Variants in CLMP observed in about 807,000 individuals in gnomAD.
CLMP encodes the protein CXADR like cell adhesion molecule.
A neutral mutation model predicts 45.2 loss-of-function variants in CLMP; 27 were observed. That is an observed-to-expected ratio of 0.60 (90% confidence interval 0.44 to 0.82). The LOEUF is 0.82. Ranked by LOEUF, CLMP falls within the 40% of genes least tolerant of loss-of-function variation. CLMP has a pLI of 0.00. For missense variants in CLMP, 403 were observed against 448.4 expected (o/e 0.90, Z 0.91); for synonymous variants, 167 against 171.4 (o/e 0.97, Z 0.20).
chr11:123,106,424 TGCGCGC>T lies in CLMP; in HGVS notation c.29-8478_29-8473del, dbSNP rs71057332. ...GTGTGTGTGTGTGTGTGTGTGTGTG[TGCGCGC>T]GCGCGCGCGCACGTGCCTGCCTTCC... On this transcript the variant is annotated intron_variant, in intron 1 of 6. Coordinates refer to ENST00000448775, the MANE Select transcript of CLMP (RefSeq NM_024769.5). 1.7e-3 allele frequency among the ~76,000 whole-genome samples: 157 copies of T among 90,846 alleles called. 1 individual carries two copies. The highest frequency in any genetic ancestry group is 7.9e-3 in the East Asian group (28 of 3,564). The allele number at this position is 90,846 out of a possible 152,430, so 59.6% of individuals were successfully genotyped here. A position where few individuals can be genotyped will look rare whatever the true frequency, so the allele number is the denominator to read the frequency against.
intron 5 of CLMP, among the ~76,000 whole-genome samples, chr11:123,075,199 C>T (rs1362270840): frequency 2.0e-5 from 3 of 152,090 alleles, no homozygotes; most frequent in Non-Finnish European, 4.4e-5. Flanking sequence ...GGTGATCCAC[C>T]AGACTCAGCC....
intron 6 of CLMP, 105 bp from the exon 7 acceptor site, chr11:123,073,879 CA>C (rs1308397715): frequency 8.4e-7 from 1 of 1,185,586 alleles, no homozygotes. Context: ...CAGATAATAC[CA>C]TCGGAAGGCA....
intron 1 of CLMP, among the ~76,000 whole-genome samples, chr11:123,192,574 G>A (rs772926690): frequency 9.2e-5 from 14 of 152,162 alleles, no homozygotes; most frequent in South Asian, 8.3e-4. Context: ...GGAACGTTAC[G>A]GGAGTGAGGC....
In CLMP at chr11:123,145,463, T is replaced by TG. The variant is rs1478110133; in HGVS notation, c.29-47512_29-47511insC. Among the ~76,000 whole-genome samples, 501 of 66,954 alleles carry TG rather than the reference T, an allele frequency of 7.5e-3. 1 individual carries two copies. The highest frequency in any genetic ancestry group is 0.024 in the African/African-American group (291 of 12,170). The allele number at this position is 66,954 out of a possible 152,430, so 43.9% of individuals were successfully genotyped here. ...TCAGCTCTGCGGCTGTTTTTTTTTT[T>TG]TTTTTTTTTTTTTTTTGAGACGGGA... On this transcript the variant is annotated intron_variant, in intron 1 of 6. Transcript: ENST00000448775.
chr11:123,108,355 C>A (rs1038989372), intron 1 of CLMP, among the ~76,000 whole-genome samples: 13 of 152,130 alleles, frequency 8.5e-5, no homozygotes, highest in African/African-American at 3.1e-4. Context: ...ATGAAGCTTG[C>A]AAGTTATCAG....
chr11:123,158,324 G>A (rs1861441977), intron 1 of CLMP, among the ~76,000 whole-genome samples: 1 of 152,204 alleles, frequency 6.6e-6, no homozygotes, highest in African/African-American at 2.4e-5. Flanking sequence ...CTAGATAATA[G>A]AATGCTGCAA....
intron 4 of CLMP, 142 bp downstream of exon 4, chr11:123,083,538 T>C: frequency 1.2e-6 from 1 of 805,938 alleles, no homozygotes; most frequent in Non-Finnish European, 2.1e-6. Flanking sequence ...TCTGTTCTAG[T>C]TAATGGATTT....
intron 2 of CLMP, among the ~76,000 whole-genome samples, chr11:123,087,073 C>A (rs915720722): frequency 3.3e-5 from 5 of 152,010 alleles, no homozygotes; most frequent in Admixed American, 6.6e-5. Flanking sequence ...CGTGGTGGCT[C>A]ACGCCTATAA....
intron 1 of CLMP, among the ~76,000 whole-genome samples, chr11:123,161,545 A>G (rs1861487667): frequency 6.6e-6 from 1 of 152,072 alleles, no homozygotes; most frequent in Non-Finnish European, 1.5e-5. Context: ...CATGGTGGCA[A>G]TGTGCCTGCA....
At chr11:123,113,071 C>A (rs776194249) in intron 1 of CLMP, among the ~76,000 whole-genome samples, 1 of 152,220 alleles carries the variant, frequency 6.6e-6, no homozygotes, top group Non-Finnish European at 1.5e-5. Context: ...CCACACTCAC[C>A]CAGTACCCAA....
At chr11:123,148,165 G>T (rs1861265708) in intron 1 of CLMP, among the ~76,000 whole-genome samples, 2 of 152,208 alleles carry the variant, frequency 1.3e-5, no homozygotes, top group South Asian at 4.1e-4. Flanking sequence ...ACATAGAATA[G>T]TACGTGGCGT....
chr11:123,173,601 T>C (rs1565403635), intron 1 of CLMP, among the ~76,000 whole-genome samples: 2 of 152,198 alleles, frequency 1.3e-5, no homozygotes, highest in African/African-American at 2.4e-5. Context: ...TATATACTAG[T>C]TTGTGACTTT....
In CLMP at chr11:123,154,033, C is replaced by A. The variant is rs528017753; in HGVS notation, c.28+40880G>T. Among the ~76,000 whole-genome samples, 49 of 151,980 alleles carry A rather than the reference C, an allele frequency of 3.2e-4. No individual in the cohort carries two copies. The South Asian group carries it at 9.3e-3, about 29-fold the overall frequency. On this transcript the variant is annotated intron_variant, in intron 1 of 6. Transcript: ENST00000448775. Reference sequence around the variant, plus strand: ...TCTTCCTTTGGTTCTTTTTTGTTCCCTTTTATAGAAGGTGTTGGGATTGGA... The same window carrying A: ...TCTTCCTTTGGTTCTTTTTTGTTCCATTTTATAGAAGGTGTTGGGATTGGA...
intron 1 of CLMP, among the ~76,000 whole-genome samples, chr11:123,163,926 G>A (rs923554816): frequency 6.6e-6 from 1 of 152,086 alleles, no homozygotes; most frequent in Admixed American, 6.6e-5. Context: ...CAATCACATC[G>A]TCTACAGGTT....
chr11:123,097,399 A>G (rs1866003511), intron 2 of CLMP, among the ~76,000 whole-genome samples: 2 of 151,612 alleles, frequency 1.3e-5, no homozygotes, highest in African/African-American at 2.4e-5. Flanking sequence ...GTGCAGTGGC[A>G]TGATCTCAGC....
At chr11:123,161,892 G>A (rs564924587) in intron 1 of CLMP, among the ~76,000 whole-genome samples, 1 of 152,242 alleles carries the variant, frequency 6.6e-6, no homozygotes, top group South Asian at 2.1e-4. Flanking sequence ...TGCTAACGAT[G>A]CACTGGCTCT....
chr11:123,097,961 G>C lies in CLMP; in HGVS notation c.29-9C>G. The C allele has an allele frequency of 6.5e-7, 1 of 1,538,500 alleles. No homozygotes were observed. The highest frequency in any genetic ancestry group is 8.8e-7 in the Non-Finnish European group (1 of 1,140,364). The stretch of plus-strand genomic sequence containing the variant: ...TCCAACATAGTAGGAAACTGGAAGA[G>C]GAAAATCTTTAATGAGTAATGCAGA... On this transcript the variant is annotated splice_polypyrimidine_tract_variant and intron_variant, in intron 1 of 6. Transcript: ENST00000448775.
chr11:123,150,540 CAAGGAAGGAAGGAAGGAAGGA>C (rs1285081852), intron 1 of CLMP, among the ~76,000 whole-genome samples: 12 of 78,656 alleles, frequency 1.5e-4, no homozygotes, highest in African/African-American at 5.6e-5. Context: ...AAGAAACAAG[CAAGGAAGGAAGGAAGGAAGGA>C]AAGGAAGGAA....
Position 123,154,281 on chromosome 11 carries a change from A to G in CLMP, c.28+40632T>C, listed in dbSNP as rs769003442. 5.3e-5 allele frequency among the ~76,000 whole-genome samples: 8 copies of G among 152,124 alleles called. No individual in the cohort carries two copies. The South Asian group carries it at 8.3e-4, about 16-fold the overall frequency. On this transcript the variant is annotated intron_variant, in intron 1 of 6. Coordinates refer to ENST00000448775, the MANE Select transcript of CLMP (RefSeq NM_024769.5). ...TCTTACTCGTCAATGAGAAGCTGGT[A>G]TGGACCAGAAAGCCTGAACATGCAA...
Sources: allele counts gnomAD v4.1 joint callset (sites outside exome capture counted in the v4.1 genomes callset), GRCh38; gene constraint gnomAD v4.1.1; transcripts MANE v1.5; gene names NCBI Gene and HGNC (gene_info 2026-07-23, HGNC 2026-07-21).